The following ADM variants were observed in gnomAD, a reference collection of about 807,000 sequenced individuals.
The protein encoded by ADM is adrenomedullin, also known as pro-adrenomedullin.
Under a neutral mutation model 9.0 loss-of-function variants are expected in ADM, and 4 were observed. That is an observed-to-expected ratio of 0.44 (90% CI 0.22 to 1.02). ADM has a LOEUF of 1.02. Among genes scored for constraint, ADM ranks in the 50% least tolerant of loss-of-function variants. ADM has a pLI of 0.24. For missense variants in ADM, 253 were observed against 254.1 expected, an observed-to-expected ratio of 1.00 and a Z score of 0.03; for synonymous variants, 107 against 107.2, an observed-to-expected ratio of 1.00 and a Z score of 0.01.
rs1314648805 is a variant in ADM, at chr11:10,305,707, C to T, written c.7C>T (p.Leu3=). 1.9e-6 allele frequency: 3 copies of T among 1,613,862 alleles called. No individual in the cohort carries two copies. Among genetic ancestry groups the T allele is most frequent in the African/African-American group, 1.3e-5 (1 of 74,952 alleles). MK[L]VSVALMYLGS... ...TCTGCGCTTCGCAGCCGGGATGAAG[C>T]TGGTTTCCGTCGCCCTGATGTACCT... Residue 3 remains leucine, a synonymous_variant, in exon 2 of 4, where the codon CTG becomes TTG. Transcript: ENST00000278175.
Position 10,306,560 on chromosome 11 carries a change from G to T in ADM, c.477G>T (p.Pro159=), listed in dbSNP as rs371598515. Residue 159 remains proline (P), a synonymous_variant, in exon 4 of 4, where the codon CCG becomes CCT. Transcript: ENST00000278175. ...GGCGCTCCCTGCCCGAGGCCGGCCC[G>T]GGTCGGACTCTGGTGTCTTCTAAGC... The part of the protein sequence containing the change: ...RRRRSLPEAG[P]GRTLVSSKPQ... 2.2e-4 allele frequency: 349 copies of T among 1,612,012 alleles called. 1 individual carries two copies. The highest frequency in any genetic ancestry group is 1.2e-3 in the Middle Eastern group (7 of 6,052).
intron 3 of ADM, 43 bp from the exon 4 acceptor site, chr11:10,306,289 T>TG: frequency 6.3e-7 from 1 of 1,598,716 alleles, no homozygotes; most frequent in South Asian, 1.1e-5. Flanking sequence ...CTCTGCTTGA[T>TG]GGGGTCTCAA....
chr11:10,305,521 G>A, intron 1 of ADM, 159 bp from the exon 2 acceptor site: 1 of 623,524 alleles, frequency 1.6e-6, no homozygotes, highest in Non-Finnish European at 2.8e-6. Context: ...GCGTGCAAAC[G>A]CCTCTGGCGC....
chr11:10,305,479 G>T, intron 1 of ADM: 1 of 570,646 alleles, frequency 1.8e-6, no homozygotes. Flanking sequence ...GGGTGCAGCG[G>T]CCTCCCCTGC....
chr11:10,306,150 A>G (rs772943139), intron 3 of ADM, 52 bp downstream of exon 3: 2 of 1,598,392 alleles, frequency 1.3e-6, no homozygotes, highest in South Asian at 2.2e-5. Flanking sequence ...GGTGTGCGGG[A>G]GGAGTTCTCT....
In ADM at chr11:10,305,993, T is replaced by C; in HGVS notation, c.143T>C (p.Met48Thr). Residue 48 changes from methionine (M) to threonine (T), a missense_variant, in exon 3 of 4, where the codon ATG becomes ACG. Coordinates refer to ENST00000278175, the MANE Select transcript of ADM (RefSeq NM_001124.3). ...ALSRGKRELR[M>T]SSSYPTGLAD... ...AGTCGTGGGAAGAGGGAACTGCGGA[T>C]GTCCAGCAGCTACCCCACCGGGCTC... 1.2e-6 allele frequency: 2 copies of C among 1,614,014 alleles called. No homozygotes were observed. The highest frequency in any genetic ancestry group is 1.7e-6 in the Non-Finnish European group (2 of 1,180,020).
chr11:10,305,866 G>A, intron 2 of ADM, 68 bp downstream of exon 2: 2 of 1,610,244 alleles, frequency 1.2e-6, no homozygotes, highest in South Asian at 1.1e-5. Flanking sequence ...CGTTGGTCCC[G>A]AAGGTCTAGA....
Position 10,305,227 on chromosome 11 carries a change from C to G in ADM, c.-24C>G, listed in dbSNP as rs1393656643. The G allele has an allele frequency of 5.8e-6, 1 of 171,650 alleles. No individual in the cohort carries two copies. Among genetic ancestry groups the G allele is most frequent in the African/African-American group, 2.4e-5 (1 of 41,552 alleles). The allele number at this position is 171,650 out of a possible 1,614,324, so 10.6% of individuals were successfully genotyped here. A position where few individuals can be genotyped will look rare whatever the true frequency, so the allele number is the denominator to read the frequency against. On this transcript the variant is annotated splice_region_variant and 5_prime_UTR_variant, in exon 1 of 4. Transcript: ENST00000278175. ...AGTACTTGGCAGATCACTCTCTTAG[C>G]AGGTAGGTGCCGCAGACCCTGCGGG...
At chr11:10,306,166 C>A in intron 3 of ADM, 68 bp downstream of exon 3, 1 of 1,583,400 alleles carries the variant, frequency 6.3e-7, no homozygotes. Context: ...TCTCTGTCTC[C>A]ACTCCCCTGG....
At chr11:10,305,527 G>A (rs1220454633) in intron 1 of ADM, 153 bp from the exon 2 acceptor site, 11 of 648,570 alleles carry the variant, frequency 1.7e-5, no homozygotes, top group Non-Finnish European at 2.9e-5. Flanking sequence ...AAACGCCTCT[G>A]GCGCCTCTCT....
rs752037871 is a variant in ADM, at chr11:10,306,030, G to C, written c.180G>C (p.Lys60Asn). ...ACCCCACCGGGCTCGCTGACGTGAA[G>C]GCCGGGCCTGCCCAGACCCTTATTC... The part of the protein sequence containing the change: ...SSYPTGLADV[K>N]AGPAQTLIRP... Residue 60 changes from lysine (K) to asparagine (N), a missense_variant, in exon 3 of 4, where the codon AAG (lysine) becomes AAC (asparagine). Lys to Asn is a moderately conservative substitution (Grantham distance 94). Transcript: ENST00000278175. The C allele has an allele frequency of 4.3e-6, 7 of 1,614,098 alleles. No homozygotes were observed. Among genetic ancestry groups the C allele is most frequent in the Non-Finnish European group, 4.2e-6 (5 of 1,180,026 alleles).
In ADM at chr11:10,306,347, C is replaced by T. The variant is rs777662561; in HGVS notation, c.264C>T (p.Ala88=). ...CCGCCCGCAGCAGTCCGGATGCCGC[C>T]CGCATCCGAGTCAAGCGCTACCGCC... ...RSPEDSSPDA[A]RIRVKRYRQS... The change falls in exon 4 of 4, where the codon GCC becomes GCT. Residue 88 remains alanine, a synonymous_variant. Coordinates refer to ENST00000278175, the MANE Select transcript of ADM (RefSeq NM_001124.3). 1 of 1,611,080 alleles carries T rather than the reference C, an allele frequency of 6.2e-7. No individual in the cohort carries two copies. Among genetic ancestry groups the T allele is most frequent in the East Asian group, 2.2e-5 (1 of 44,784 alleles).
rs1446988812 is a variant in ADM, at chr11:10,306,321, C to T, written c.249-11C>T. 1.3e-6 allele frequency: 2 copies of T among 1,551,160 alleles called. No individual in the cohort carries two copies. The highest frequency in any genetic ancestry group is 1.8e-6 in the Non-Finnish European group (2 of 1,134,324). On this transcript the variant is annotated splice_polypyrimidine_tract_variant and intron_variant, in intron 3 of 3. Coordinates refer to ENST00000278175, the MANE Select transcript of ADM (RefSeq NM_001124.3). ...TCAAGTTGCCTTTCTTCCCCCTCCCCCCGCCCGCAGCAGTCCGGATGCCGC... is the reference window on the plus strand; with the variant it reads ...TCAAGTTGCCTTTCTTCCCCCTCCCTCCGCCCGCAGCAGTCCGGATGCCGC...
chr11:10,306,300 G>A, intron 3 of ADM, 32 bp from the exon 4 acceptor site: 1 of 1,597,884 alleles, frequency 6.3e-7, no homozygotes, highest in Admixed American at 1.7e-5. Context: ...GGGGTCTCAA[G>A]TTGCCTTTCT....
chr11:10,305,217 ACT>A lies in ADM; in HGVS notation c.-29_-28del, dbSNP rs1964640374. 1 of 165,218 alleles carries A rather than the reference ACT, an allele frequency of 6.1e-6. No individual in the cohort carries two copies. Among genetic ancestry groups the A allele is most frequent in the Non-Finnish European group, 1.3e-5 (1 of 75,774 alleles). 10.2% of individuals were successfully genotyped at this position (165,218 alleles called of 1,614,324 possible). A position where few individuals can be genotyped will look rare whatever the true frequency, so the allele number is the denominator to read the frequency against. On this transcript the variant is annotated 5_prime_UTR_variant, in exon 1 of 4. Transcript: ENST00000278175. ...TTCTCCTTCAAGTACTTGGCAGATC[ACT>A]CTCTTAGCAGGTAGGTGCCGCAGAC...
chr11:10,306,210 G>T (rs1393393326), intron 3 of ADM, 112 bp downstream of exon 3: 4 of 1,538,532 alleles, frequency 2.6e-6, no homozygotes, highest in Non-Finnish European at 2.6e-6. Flanking sequence ...CCGCAGCTCA[G>T]ATGGCGCGAG....
chr11:10,306,056 G>T lies in ADM; in HGVS notation c.206G>T (p.Arg69Leu). Residue 69 changes from arginine (R) to leucine (L), a missense_variant, in exon 3 of 4, where the codon CGG becomes CTG. Physicochemically the swap from Arg to Leu is moderately radical, Grantham distance 102. Coordinates refer to ENST00000278175, the MANE Select transcript of ADM (RefSeq NM_001124.3). ...VKAGPAQTLIRPQDMKGASRS... is the reference protein window; with the variant it reads ...VKAGPAQTLILPQDMKGASRS... ...GCCGGGCCTGCCCAGACCCTTATTC[G>T]GCCCCAGGACATGAAGGGTGCCTCT... 2 of 1,614,018 alleles carry T rather than the reference G, an allele frequency of 1.2e-6. No homozygotes were observed. Among genetic ancestry groups the T allele is most frequent in the Non-Finnish European group, 1.7e-6 (2 of 1,180,018 alleles).
intron 1 of ADM, chr11:10,305,476 GC>G: frequency 1.8e-6 from 1 of 568,544 alleles, no homozygotes; most frequent in Non-Finnish European, 3.1e-6. Flanking sequence ...GCGGGGTGCA[GC>G]GGCCTCCCCT....
At position 10,305,946 on chromosome 11, in the gene ADM, C is replaced by T; in HGVS notation, c.99-3C>T. ...GCGAATCGGGTCTGCTTGTGTTTTCCAGGTGGAATAAGTGGGCTCTGAGTC... is the reference window on the plus strand; with the variant it reads ...GCGAATCGGGTCTGCTTGTGTTTTCTAGGTGGAATAAGTGGGCTCTGAGTC... On this transcript the variant is annotated splice_polypyrimidine_tract_variant and splice_region_variant and intron_variant, in intron 2 of 3. Transcript: ENST00000278175. The T allele has an allele frequency of 6.2e-7, 1 of 1,613,618 alleles. No homozygotes were observed. Among genetic ancestry groups the T allele is most frequent in the Non-Finnish European group, 8.5e-7 (1 of 1,180,010 alleles).
Sources: gnomAD v4.1 joint callset for allele counts on GRCh38, gnomAD v4.1.1 for gene constraint, MANE v1.5 for transcripts, NCBI Gene and HGNC (gene_info 2026-07-23, HGNC 2026-07-21) for gene names.